The following MNAT1 variants were observed in gnomAD, a reference collection of about 807,000 sequenced individuals.
The protein encoded by MNAT1 is MNAT1 component of CDK activating kinase, also known as CDK-activating kinase assembly factor MAT1.
In MNAT1, 43 loss-of-function variants were observed where a neutral mutation model predicts 42.0. The ratio of observed to expected loss-of-function variants is 1.02; its 90% CI spans 0.80 to 1.32. The LOEUF is 1.32. Ranked by LOEUF, MNAT1 falls within the 40% of genes most tolerant of loss-of-function variation. The pLI is 0.00. For missense variants in MNAT1, 306 were observed against 350.4 expected, an observed-to-expected ratio of 0.87 and a Z score of 1.01; for synonymous variants, 118 against 120.0, an observed-to-expected ratio of 0.98 and a Z score of 0.11.
At chr14:60,913,165 T>G (rs2035421332) in intron 7 of MNAT1, among the ~76,000 whole-genome samples, 1 of 152,262 alleles carries the variant, frequency 6.6e-6, no homozygotes, top group Non-Finnish European at 1.5e-5. Context: ...TTGCCTTGGT[T>G]TTCAGCTCCA....
At chr14:60,894,291 A>G (rs1214287062) in intron 7 of MNAT1, among the ~76,000 whole-genome samples, 1 of 150,866 alleles carries the variant, frequency 6.6e-6, no homozygotes. Context: ...TTTTTTTTTA[A>G]AATAATTTAT....
At chr14:60,766,204 C>T (rs1024635487) in intron 1 of MNAT1, among the ~76,000 whole-genome samples, 4 of 151,796 alleles carry the variant, frequency 2.6e-5, no homozygotes, top group African/African-American at 7.3e-5. Flanking sequence ...AAAAATTAGC[C>T]AGGCTTGGTG....
intron 3 of MNAT1, among the ~76,000 whole-genome samples, chr14:60,802,214 G>T (rs1371479241): frequency 6.6e-6 from 1 of 152,080 alleles, no homozygotes; most frequent in East Asian, 1.9e-4. Context: ...GTTGCCTAAG[G>T]ATATGAAATT....
At chr14:60,764,159 A>G (rs1308187598) in intron 1 of MNAT1, among the ~76,000 whole-genome samples, 1 of 152,188 alleles carries the variant, frequency 6.6e-6, no homozygotes, top group African/African-American at 2.4e-5. Context: ...GTGTTATGTA[A>G]TATTTGTTAG....
chr14:60,832,064 G>A (rs1012038077), intron 6 of MNAT1, among the ~76,000 whole-genome samples: 4 of 151,890 alleles, frequency 2.6e-5, no homozygotes, highest in African/African-American at 9.7e-5. Flanking sequence ...AGTTCCTTGT[G>A]GATTCCAGAT....
intron 1 of MNAT1, among the ~76,000 whole-genome samples, chr14:60,779,816 A>G (rs78555167): frequency 1.3e-5 from 2 of 152,116 alleles, no homozygotes; most frequent in African/African-American, 4.8e-5. Context: ...GAAAAAAAAA[A>G]GAAGCTGTTT....
intron 1 of MNAT1, among the ~76,000 whole-genome samples, chr14:60,750,983 A>G (rs1442823881): frequency 6.6e-6 from 1 of 152,196 alleles, no homozygotes; most frequent in Non-Finnish European, 1.5e-5. Context: ...AGCTTACAAA[A>G]TGCTATTTGT....
chr14:60,904,238 C>T (rs2035142557), intron 7 of MNAT1, among the ~76,000 whole-genome samples: 1 of 152,016 alleles, frequency 6.6e-6, no homozygotes, highest in South Asian at 2.1e-4. Flanking sequence ...TGGAAAAATA[C>T]AAAAATCACA....
chr14:60,967,804 G>T (rs1276463164), intron 7 of MNAT1, among the ~76,000 whole-genome samples: 2 of 152,068 alleles, frequency 1.3e-5, no homozygotes, highest in Non-Finnish European at 2.9e-5. Context: ...GCTATTGAGG[G>T]TTTGCTTTAA....
Position 60,833,685 on chromosome 14 carries a change from C to T in MNAT1, c.687+14838C>T, listed in dbSNP as rs115816700. ...CAGATTTTGGTGTCAGGATACTGGC[C>T]TCATAAAATGGGTTAGGGAGGAGTG... On this transcript the variant is annotated intron_variant, in intron 6 of 7. Transcript: ENST00000261245. Among the ~76,000 whole-genome samples, 652 of 152,118 alleles carry T rather than the reference C, an allele frequency of 4.3e-3. 1 individual carries two copies. The highest frequency in any genetic ancestry group is 0.015 in the African/African-American group (626 of 41,508).
Position 60,953,275 on chromosome 14 carries a change from G to A in MNAT1, c.810-14954G>A, listed in dbSNP as rs116922209. The stretch of plus-strand genomic sequence containing the variant: ...TAAATTTTTCCCCATGTCTGTTAGC[G>A]TGTAGGTATTGGCACCCTTGGGTTA... On this transcript the variant is annotated intron_variant, in intron 7 of 7. Coordinates refer to ENST00000261245, the MANE Select transcript of MNAT1 (RefSeq NM_002431.4). Among the ~76,000 whole-genome samples, 235 of 152,234 alleles carry A rather than the reference G, an allele frequency of 1.5e-3. 1 individual carries two copies. Among genetic ancestry groups the A allele is most frequent in the Middle Eastern group, 3.4e-3 (1 of 292 alleles).
At chr14:60,742,239 C>T (rs1275923478) in intron 1 of MNAT1, among the ~76,000 whole-genome samples, 1 of 151,972 alleles carries the variant, frequency 6.6e-6, no homozygotes, top group East Asian at 1.9e-4. Flanking sequence ...GTGTGCACTG[C>T]CACAGCCAGC....
intron 5 of MNAT1, 84 bp from the exon 6 acceptor site, chr14:60,818,638 A>G: frequency 8.0e-7 from 1 of 1,245,360 alleles, no homozygotes; most frequent in Admixed American, 2.6e-5. Flanking sequence ...ATGCTTATGG[A>G]AAAGACATAA....
chr14:60,953,794 A>G (rs560236292), intron 7 of MNAT1, among the ~76,000 whole-genome samples: 3 of 152,148 alleles, frequency 2.0e-5, no homozygotes, highest in South Asian at 2.1e-4. Context: ...CCCTTGTTAT[A>G]TATTGCCTTT....
chr14:60,777,983 C>T (rs2031312209), intron 1 of MNAT1, among the ~76,000 whole-genome samples: 1 of 152,168 alleles, frequency 6.6e-6, no homozygotes, highest in South Asian at 2.1e-4. Flanking sequence ...TTTCTATTGG[C>T]AACAACTGAA....
chr14:60,833,116 T>G (rs1221108554), intron 6 of MNAT1, among the ~76,000 whole-genome samples: 3 of 152,182 alleles, frequency 2.0e-5, no homozygotes, highest in African/African-American at 7.2e-5. Flanking sequence ...AATCGTGTCA[T>G]CTGCAAACAG....
intron 7 of MNAT1, among the ~76,000 whole-genome samples, chr14:60,898,683 A>G (rs1471260840): frequency 2.6e-5 from 4 of 151,972 alleles, no homozygotes; most frequent in Admixed American, 6.6e-5. Flanking sequence ...ATAGTTTGCA[A>G]ATATTTTCTC....
intron 7 of MNAT1, among the ~76,000 whole-genome samples, chr14:60,908,432 T>C (rs2035263612): frequency 6.6e-6 from 1 of 152,172 alleles, no homozygotes; most frequent in South Asian, 2.1e-4. Flanking sequence ...TAACTCGTCA[T>C]TTAACATTAG....
At chr14:60,869,038 A>ATTT (rs1328532787) in intron 6 of MNAT1, among the ~76,000 whole-genome samples, 26 of 91,968 alleles carry the variant, frequency 2.8e-4, no homozygotes, top group African/African-American at 6.9e-4. Flanking sequence ...ATATATATAT[A>ATTT]TATTTTTTTT....
Sources: gnomAD v4.1 joint callset for allele counts (sites outside exome capture counted in the v4.1 genomes callset) on GRCh38, gnomAD v4.1.1 for gene constraint, MANE v1.5 for transcripts, NCBI Gene and HGNC (gene_info 2026-07-23, HGNC 2026-07-21) for gene names.